The following MPDZ variants were observed in gnomAD, a reference collection of about 807,000 sequenced individuals.
MPDZ encodes multiple PDZ domain protein.
In MPDZ, 234 loss-of-function variants were observed where a neutral mutation model predicts 239.1. The observed-to-expected ratio is 0.98, with a 90% CI of 0.88 to 1.09. The LOEUF (loss-of-function observed/expected upper bound fraction) is 1.09, where lower values mean the gene tolerates loss of function less well. MPDZ is among the 50% of genes least tolerant of loss of function. The probability of loss-of-function intolerance (pLI) is 0.00; values close to 1 mark genes in which losing one functional copy is unlikely to be tolerated. For missense variants in MPDZ, 3,175 were observed against 2,510.0 expected (o/e 1.26, Z -5.66); for synonymous variants, 1,048 against 881.3 (o/e 1.19, Z -3.35).
intron 32 of MPDZ, among the ~76,000 whole-genome samples, chr9:13,130,062 G>T (rs1945729772): frequency 6.6e-6 from 1 of 152,138 alleles, no homozygotes; most frequent in Non-Finnish European, 1.5e-5. Context: ...ATGAAACACA[G>T]CTTTGACAAT....
At chr9:13,115,950 CAAAAAAAAAA>C (rs71491603) in intron 39 of MPDZ, among the ~76,000 whole-genome samples, 1 of 40,616 alleles carries the variant, frequency 2.5e-5, no homozygotes, top group Non-Finnish European at 4.8e-5. Flanking sequence ...GACTCCACCT[CAAAAAAAAAA>C]AAAAAAAAAA....
chr9:13,211,598 A>G (rs900661876), intron 10 of MPDZ, among the ~76,000 whole-genome samples: 26 of 152,242 alleles, frequency 1.7e-4, no homozygotes, highest in African/African-American at 6.0e-4. Context: ...CAGCAACAAA[A>G]TAGAATTTAA....
chr9:13,147,314 T>C (rs1948567579), intron 26 of MPDZ, among the ~76,000 whole-genome samples: 1 of 152,084 alleles, frequency 6.6e-6, no homozygotes, highest in South Asian at 2.1e-4. Flanking sequence ...CTAGAGATAC[T>C]GATAAATCTA....
chr9:13,247,804 A>C lies in MPDZ; in HGVS notation c.17-3T>G. The C allele has an allele frequency of 6.3e-7, 1 of 1,595,760 alleles. No homozygotes were observed. On this transcript the variant is annotated splice_region_variant and splice_polypyrimidine_tract_variant and intron_variant, in intron 2 of 46. Coordinates refer to ENST00000319217, the MANE Select transcript of MPDZ (RefSeq NM_001378778.1). The stretch of plus-strand genomic sequence containing the variant: ...TGCATGCAGGGCCCGATTTTTGTCT[A>C]TACCAAAGAGCAGCATTTGTCAATA...
chr9:13,204,967 C>A, intron 12 of MPDZ, 69 bp downstream of exon 12: 1 of 1,088,274 alleles, frequency 9.2e-7, no homozygotes, highest in Non-Finnish European at 1.3e-6. Context: ...GGCTTAATCA[C>A]ATTTGTAAAA....
chr9:13,232,232 T>G (rs929214839), intron 3 of MPDZ, among the ~76,000 whole-genome samples: 1 of 152,152 alleles, frequency 6.6e-6, no homozygotes, highest in African/African-American at 2.4e-5. Flanking sequence ...ACTTAGTAAG[T>G]TGGTGGATGT....
intron 30 of MPDZ, 83 bp from the exon 31 acceptor site, chr9:13,136,265 A>C (rs1946729669): frequency 1.2e-6 from 1 of 856,712 alleles, no homozygotes; most frequent in Non-Finnish European, 1.7e-6. Context: ...AGGTTATTAG[A>C]GAAAATTATT....
At chr9:13,165,067 G>A (rs1349873342) in intron 22 of MPDZ, among the ~76,000 whole-genome samples, 1 of 152,108 alleles carries the variant, frequency 6.6e-6, no homozygotes, top group Non-Finnish European at 1.5e-5. Flanking sequence ...TTAATGCAGA[G>A]ACTATTCCTG....
intron 21 of MPDZ, among the ~76,000 whole-genome samples, chr9:13,170,319 T>G (rs1951624222): frequency 2.0e-5 from 3 of 152,152 alleles, no homozygotes; most frequent in Admixed American, 1.3e-4. Context: ...TATTTCATAG[T>G]GGATGTGGGC....
intron 7 of MPDZ, among the ~76,000 whole-genome samples, 198 bp from the exon 8 acceptor site, chr9:13,219,966 C>G (rs1262566679): frequency 6.6e-6 from 1 of 151,900 alleles, no homozygotes; most frequent in Non-Finnish European, 1.5e-5. Flanking sequence ...AAATGAAATT[C>G]ACATATAGTC....
chr9:13,186,350 C>A lies in MPDZ; in HGVS notation c.2401G>T (p.Asp801Tyr), dbSNP rs758473798. The change falls in exon 18 of 47, where the codon GAT becomes TAT. Residue 801 changes from aspartate to tyrosine, a missense_variant. Transcript: ENST00000319217. ...GAGTGTGGTGGGTAGAGAAAGGAAT[C>A]CTCCTTAGCAGAAACATAACCTTCT... ...PEEGYVSAKEDSFLYPPHSCE... is the reference protein window; with the variant it reads ...PEEGYVSAKEYSFLYPPHSCE... The A allele has an allele frequency of 8.2e-5, 130 of 1,588,910 alleles. 1 individual carries two copies. The highest frequency in any genetic ancestry group is 3.3e-4 in the Middle Eastern group (2 of 6,038).
At chr9:13,159,370 C>G (rs1587369164) in intron 23 of MPDZ, among the ~76,000 whole-genome samples, 2 of 152,156 alleles carry the variant, frequency 1.3e-5, no homozygotes, top group Admixed American at 1.3e-4. Flanking sequence ...GAGGGTAGGG[C>G]TCCTAGAGTC....
chr9:13,122,398 A>G (rs969107409), intron 36 of MPDZ, among the ~76,000 whole-genome samples: 1 of 152,258 alleles, frequency 6.6e-6, no homozygotes, highest in African/African-American at 2.4e-5. Flanking sequence ...ATTAAAGAAA[A>G]AAACTATAAA....
chr9:13,209,596 A>G (rs1298813124), intron 10 of MPDZ, among the ~76,000 whole-genome samples: 1 of 152,218 alleles, frequency 6.6e-6, no homozygotes, highest in Non-Finnish European at 1.5e-5. Context: ...ACGGTCCAAA[A>G]GCAGGTTGCA....
intron 41 of MPDZ, among the ~76,000 whole-genome samples, chr9:13,113,316 A>G (rs1942821824): frequency 6.6e-6 from 1 of 152,146 alleles, no homozygotes; most frequent in South Asian, 2.1e-4. Context: ...ACTTTGAATG[A>G]GTCAAGGGCA....
Position 13,216,807 on chromosome 9 carries a change from A to G in MPDZ, c.1257T>C (p.Asp419=), listed in dbSNP as rs954098407. 5.0e-6 allele frequency: 8 copies of G among 1,610,182 alleles called. No homozygotes were observed. Among genetic ancestry groups the G allele is most frequent in the Non-Finnish European group, 5.9e-6 (7 of 1,178,026 alleles). ...TTTGGTCTCCAATTTGGATTCTTCC[A>G]TCATGCTCAACGGCACTGCTTTTTG... ...SITKSSAVEH[D]GRIQIGDQII... is the part of the protein sequence containing the mutation. The change falls in exon 10 of 47, where the codon GAT becomes GAC. Residue 419 remains aspartate, a synonymous_variant. Coordinates refer to ENST00000319217, the MANE Select transcript of MPDZ (RefSeq NM_001378778.1).
chr9:13,224,126 C>A (rs1959752827), intron 4 of MPDZ, among the ~76,000 whole-genome samples: 1 of 151,764 alleles, frequency 6.6e-6, no homozygotes, highest in South Asian at 2.1e-4. Context: ...AACATTTTTC[C>A]AAGGTAATTG....
chr9:13,175,501 C>A (rs1198643667), intron 21 of MPDZ, among the ~76,000 whole-genome samples: 1 of 152,126 alleles, frequency 6.6e-6, no homozygotes, highest in Non-Finnish European at 1.5e-5. Flanking sequence ...ATTCATATAT[C>A]TTTTACTGAA....
intron 3 of MPDZ, among the ~76,000 whole-genome samples, chr9:13,237,110 G>T (rs1312274210): frequency 2.0e-5 from 3 of 151,920 alleles, no homozygotes; most frequent in Non-Finnish European, 2.9e-5. Context: ...ATTAAATCTT[G>T]ACCCTCAAGA....
Sources: gnomAD v4.1 joint callset for allele counts (sites outside exome capture counted in the v4.1 genomes callset) on GRCh38, gnomAD v4.1.1 for gene constraint, MANE v1.5 for transcripts, NCBI Gene and HGNC (gene_info 2026-07-23, HGNC 2026-07-21) for gene names.